The following MED13L variants were observed in gnomAD, a reference collection of about 807,000 sequenced individuals.
The protein encoded by MED13L is mediator of RNA polymerase II transcription subunit 13-like.
Under a neutral mutation model 220.9 loss-of-function variants are expected in MED13L, and 7 were observed. That is an observed-to-expected ratio of 0.03 (90% CI 0.02 to 0.06). MED13L has a LOEUF of 0.06. Ranked by LOEUF, MED13L falls within the 10% of genes least tolerant of loss-of-function variation. MED13L has a pLI of 1.00. For synonymous variants in MED13L, 1,011 were observed against 1,015.2 expected (o/e 1.00, Z 0.08); for missense variants, 1,965 against 2,760.5 (o/e 0.71, Z 6.46).
At chr12:116,245,460 CTAAA>C (rs1279398162) in intron 1 of MED13L, among the ~76,000 whole-genome samples, 1 of 151,910 alleles carries the variant, frequency 6.6e-6, no homozygotes, top group African/African-American at 2.4e-5. Flanking sequence ...CCAAGAATTG[CTAAA>C]TAATTAAGGA....
chr12:116,012,936 A>C, intron 8 of MED13L, 35 bp from the exon 9 acceptor site: 1 of 1,427,016 alleles, frequency 7.0e-7, no homozygotes, highest in East Asian at 2.3e-5. Context: ...ATGTGTGAAC[A>C]TAATACCCAT....
chr12:116,083,404 GAAAAAAAAAAA>G (rs61301423), intron 4 of MED13L, among the ~76,000 whole-genome samples: 108 of 79,378 alleles, frequency 1.4e-3, no homozygotes, highest in African/African-American at 4.0e-3. Flanking sequence ...TGTCTCGAGG[GAAAAAAAAAAA>G]AAAAAAAAAA....
intron 4 of MED13L, among the ~76,000 whole-genome samples, chr12:116,073,233 C>A (rs1185469841): frequency 6.6e-6 from 1 of 151,854 alleles, no homozygotes; most frequent in Non-Finnish European, 1.5e-5. Context: ...GTACTTAAAT[C>A]ATGGAAGGCA....
intron 2 of MED13L, among the ~76,000 whole-genome samples, chr12:116,124,280 G>C (rs1875390044): frequency 6.6e-6 from 1 of 152,024 alleles, no homozygotes. Flanking sequence ...TGGGTACCTT[G>C]GCTTTTATTT....
chr12:116,096,125 G>A (rs1421447692), intron 4 of MED13L, among the ~76,000 whole-genome samples: 1 of 151,840 alleles, frequency 6.6e-6, no homozygotes, highest in Admixed American at 6.6e-5. Flanking sequence ...AGGCCAAGGT[G>A]GGCAGATGGC....
chr12:116,277,670 G>A lies in MED13L; in HGVS notation c.-539C>T, dbSNP rs1010934668. 4.6e-3 allele frequency among the ~76,000 whole-genome samples: 691 copies of A among 149,344 alleles called. 6 individuals carry two copies. The highest frequency in any genetic ancestry group is 0.015 in the African/African-American group (611 of 41,166). ...TCAGCCTCGCTTCTCCTCCCTCCCC[G>A]GGCTCGCTTGCTCTGACAGCAATGG... On this transcript the variant is annotated 5_prime_UTR_variant, in exon 1 of 31. Transcript: ENST00000281928.
chr12:116,079,620 C>A (rs557221940), intron 4 of MED13L, among the ~76,000 whole-genome samples: 28 of 152,106 alleles, frequency 1.8e-4, no homozygotes, highest in Non-Finnish European at 3.5e-4. Context: ...CTCATTGCAG[C>A]CTTGACCTCG....
chr12:116,133,062 T>C (rs1030181725), intron 2 of MED13L, among the ~76,000 whole-genome samples: 3 of 152,198 alleles, frequency 2.0e-5, no homozygotes. Flanking sequence ...AACTATAAGT[T>C]TGATTTACTA....
rs1257775984 is a variant in MED13L at position 116,089,232 on chromosome 12, T to C, written c.479+7437A>G. ...GTAGTGTTCACTAAATTCTTTTCTATAAAGATGGGATCTCACTGTGTTGCC... is the reference window on the plus strand; with the variant it reads ...GTAGTGTTCACTAAATTCTTTTCTACAAAGATGGGATCTCACTGTGTTGCC... On this transcript the variant is annotated intron_variant, in intron 4 of 30. Coordinates refer to ENST00000281928, the MANE Select transcript of MED13L (RefSeq NM_015335.5). Among the ~76,000 whole-genome samples the C allele has an allele frequency of 3.3e-5, 5 of 152,194 alleles. No homozygotes were observed. The East Asian group carries it at 9.6e-4, about 29-fold the overall frequency.
At chr12:116,014,839 T>A (rs1879627619) in intron 8 of MED13L, among the ~76,000 whole-genome samples, 1 of 152,210 alleles carries the variant, frequency 6.6e-6, no homozygotes, top group African/African-American at 2.4e-5. Context: ...CTGTGCCAGC[T>A]GTGCTACAAA....
At chr12:116,118,976 G>A (rs1874771815) in intron 2 of MED13L, among the ~76,000 whole-genome samples, 1 of 152,088 alleles carries the variant, frequency 6.6e-6, no homozygotes, top group African/African-American at 2.4e-5. Flanking sequence ...AATCATTCTT[G>A]TTTTATTTTA....
intron 29 of MED13L, among the ~76,000 whole-genome samples, chr12:115,964,566 C>T (rs914647264): frequency 6.6e-6 from 1 of 152,096 alleles, no homozygotes; most frequent in African/African-American, 2.4e-5. Context: ...AGTTGATGCT[C>T]TAGCAACAAA....
intron 4 of MED13L, among the ~76,000 whole-genome samples, chr12:116,066,073 G>A (rs754114286): frequency 6.6e-6 from 1 of 152,104 alleles, no homozygotes; most frequent in Non-Finnish European, 1.5e-5. Flanking sequence ...CTATCAAGTC[G>A]GATTCAGTCT....
At chr12:116,006,985 C>A in intron 11 of MED13L, 2 of 219,386 alleles carry the variant, frequency 9.1e-6, no homozygotes, top group Non-Finnish European at 1.8e-5. Context: ...GATATTAACC[C>A]AGAGAATATA....
At chr12:116,137,793 C>T (rs1025622079) in intron 2 of MED13L, among the ~76,000 whole-genome samples, 1 of 151,682 alleles carries the variant, frequency 6.6e-6, no homozygotes, top group African/African-American at 2.4e-5. Flanking sequence ...GGTGTTGTAC[C>T]TTGGAAACAG....
At chr12:116,251,835 G>A (rs1186329302) in intron 1 of MED13L, among the ~76,000 whole-genome samples, 8 of 151,066 alleles carry the variant, frequency 5.3e-5, no homozygotes, top group East Asian at 3.9e-4. Flanking sequence ...ACATATTTAC[G>A]TTGAGAGTGA....
chr12:116,109,452 GTACAAAACT>G (rs1362659159), intron 3 of MED13L, among the ~76,000 whole-genome samples: 2 of 151,752 alleles, frequency 1.3e-5, no homozygotes, highest in African/African-American at 4.8e-5. Context: ...ACCATTGCCA[GTACAAAACT>G]TAAAAGAATG....
chr12:116,009,274 A>T (rs778642751), intron 9 of MED13L, 142 bp from the exon 10 acceptor site: 143 of 740,660 alleles, frequency 1.9e-4, no homozygotes, highest in Non-Finnish European at 2.8e-4. Flanking sequence ...ATATAACTAA[A>T]AAACACAATA....
chr12:116,000,982 TATTAC>T (rs1002939626), intron 14 of MED13L, among the ~76,000 whole-genome samples: 2 of 152,170 alleles, frequency 1.3e-5, no homozygotes, highest in Non-Finnish European at 2.9e-5. Context: ...AACCATTATA[TATTAC>T]ATTTTTATAA....
Sources: allele counts gnomAD v4.1 joint callset (sites outside exome capture counted in the v4.1 genomes callset), GRCh38; gene constraint gnomAD v4.1.1; transcripts MANE v1.5; gene names NCBI Gene and HGNC (gene_info 2026-07-23, HGNC 2026-07-21).